The following EYS variants were observed in gnomAD, a reference collection of about 807,000 sequenced individuals.
The protein encoded by EYS is EGF-like photoreceptor maintenance factor, also known as protein eyes shut homolog.
A neutral mutation model predicts 282.1 loss-of-function variants in EYS; 250 were observed. The observed-to-expected ratio is 0.89, with a 90% CI of 0.80 to 0.98. The LOEUF (loss-of-function observed/expected upper bound fraction) is 0.98, where lower values mean the gene tolerates loss of function less well. Among genes scored for constraint, EYS ranks in the 50% least tolerant of loss-of-function variants. The pLI, the probability that EYS is intolerant of heterozygous loss-of-function variation, is 0.00. For synonymous variants in EYS, 1,355 were observed against 1,282.9 expected (o/e 1.06, Z -1.20); for missense variants, 4,016 against 3,709.0 (o/e 1.08, Z -2.15).
At chr6:65,245,320 A>G (rs531181108) in intron 12 of EYS, among the ~76,000 whole-genome samples, 131 of 152,318 alleles carry the variant, frequency 8.6e-4, no homozygotes, top group African/African-American at 3.1e-3. Context: ...GATTTTCTCT[A>G]CAGATTACCT....
At chr6:64,112,846 T>C (rs1351841827) in intron 31 of EYS, among the ~76,000 whole-genome samples, 1 of 151,004 alleles carries the variant, frequency 6.6e-6, no homozygotes, top group Non-Finnish European at 1.5e-5. Context: ...CTCCACTTTT[T>C]AGTAGTTTTT....
At chr6:64,178,977 C>A (rs1764711764) in intron 31 of EYS, among the ~76,000 whole-genome samples, 1 of 151,764 alleles carries the variant, frequency 6.6e-6, no homozygotes, top group Non-Finnish European at 1.5e-5. Flanking sequence ...CATAGTGTGG[C>A]AATAAACTTG....
chr6:64,465,128 A>G (rs1010984363), intron 26 of EYS, among the ~76,000 whole-genome samples: 1 of 152,082 alleles, frequency 6.6e-6, no homozygotes, highest in Non-Finnish European at 1.5e-5. Context: ...AAATAAAGAA[A>G]ACGATATCCT....
At position 65,179,383 on chromosome 6, in the gene EYS, C is replaced by A. The variant is rs192701058; in HGVS notation, c.2023+116480G>T. Among the ~76,000 whole-genome samples the A allele has an allele frequency of 1.7e-3, 260 of 152,098 alleles. 2 individuals are homozygous for A. The highest frequency in any genetic ancestry group is 5.9e-3 in the African/African-American group (245 of 41,524). On this transcript the variant is annotated intron_variant, in intron 12 of 42. Transcript: ENST00000503581. ...TAAAAAATGATAAAGGGGATACCAC[C>A]ACCAATCCCACAGAAATACAAACTA... is the stretch of plus-strand genomic sequence containing the variant.
chr6:64,429,416 A>G (rs1193797193), intron 28 of EYS, among the ~76,000 whole-genome samples: 2 of 152,184 alleles, frequency 1.3e-5, no homozygotes, highest in East Asian at 1.9e-4. Flanking sequence ...GGATCAGTTG[A>G]GGTCAGGAGT....
chr6:64,092,064 C>T (rs1014350308), intron 31 of EYS, among the ~76,000 whole-genome samples: 3 of 152,162 alleles, frequency 2.0e-5, no homozygotes, highest in Non-Finnish European at 4.4e-5. Context: ...ATCCATGTCC[C>T]TACAAAGCAC....
intron 4 of EYS, among the ~76,000 whole-genome samples, 171 bp from the exon 5 acceptor site, chr6:65,490,878 C>T (rs910019229): frequency 6.6e-6 from 1 of 151,954 alleles, no homozygotes; most frequent in Non-Finnish European, 1.5e-5. Flanking sequence ...AATTTTGATA[C>T]TTTACATAAG....
At chr6:65,215,506 A>C (rs1210897186) in intron 12 of EYS, among the ~76,000 whole-genome samples, 1 of 152,206 alleles carries the variant, frequency 6.6e-6, no homozygotes. Context: ...TTAAGATGGA[A>C]TGTACTTCTT....
At chr6:63,957,551 G>A (rs1228099117) in intron 35 of EYS, among the ~76,000 whole-genome samples, 4 of 141,166 alleles carry the variant, frequency 2.8e-5, no homozygotes, top group Non-Finnish European at 6.4e-5. Context: ...ATAACTGTTT[G>A]TTGACAGAAT....
intron 12 of EYS, among the ~76,000 whole-genome samples, chr6:65,179,709 G>C (rs1282110356): frequency 6.6e-6 from 1 of 152,046 alleles, no homozygotes; most frequent in East Asian, 1.9e-4. Flanking sequence ...CATTTTATGA[G>C]GCCAGTATCA....
At chr6:64,967,672 A>T (rs1770145385) in intron 14 of EYS, among the ~76,000 whole-genome samples, 2 of 152,166 alleles carry the variant, frequency 1.3e-5, no homozygotes, top group South Asian at 4.1e-4. Context: ...ATATGCTCCC[A>T]CTACACTGAG....
intron 30 of EYS, among the ~76,000 whole-genome samples, chr6:64,295,482 AAGAAGAAG>A (rs1768918188): frequency 2.3e-5 from 1 of 43,246 alleles, no homozygotes; most frequent in Admixed American, 2.7e-4. Flanking sequence ...GAAGAAGAAG[AAGAAGAAG>A]AAGAAGAAAG....
chr6:65,281,465 G>A (rs1267369844), intron 12 of EYS, among the ~76,000 whole-genome samples: 1 of 152,078 alleles, frequency 6.6e-6, no homozygotes, highest in Non-Finnish European at 1.5e-5. Context: ...TTTAAACATT[G>A]GAAATAGTGT....
intron 13 of EYS, among the ~76,000 whole-genome samples, chr6:65,026,131 C>T (rs1454718478): frequency 1.3e-5 from 2 of 152,092 alleles, no homozygotes; most frequent in East Asian, 1.9e-4. Flanking sequence ...CTTCTTCAGT[C>T]GCTTATTTTA....
intron 26 of EYS, among the ~76,000 whole-genome samples, chr6:64,482,737 C>A (rs1776471551): frequency 1.3e-5 from 2 of 151,672 alleles, no homozygotes; most frequent in South Asian, 2.1e-4. Flanking sequence ...AAGAAAAATT[C>A]TTTTTGCTTA....
intron 32 of EYS, among the ~76,000 whole-genome samples, chr6:64,079,717 C>T (rs1313547568): frequency 6.6e-6 from 1 of 152,080 alleles, no homozygotes; most frequent in Non-Finnish European, 1.5e-5. Context: ...TGCTATCGCT[C>T]CCCGCTCCCC....
At chr6:65,356,759 A>G (rs1417282142) in intron 8 of EYS, among the ~76,000 whole-genome samples, 4 of 152,048 alleles carry the variant, frequency 2.6e-5, no homozygotes, top group Non-Finnish European at 5.9e-5. Flanking sequence ...ATCCTCTAAC[A>G]TAACAACCTG....
intron 12 of EYS, among the ~76,000 whole-genome samples, chr6:65,193,580 G>A (rs1335324369): frequency 1.3e-5 from 2 of 151,636 alleles, no homozygotes; most frequent in African/African-American, 4.8e-5. Context: ...TAAGCTAGGT[G>A]AGAGCTTCCC....
intron 36 of EYS, among the ~76,000 whole-genome samples, chr6:63,828,731 TA>T (rs1028006003): frequency 3.3e-5 from 5 of 152,118 alleles, no homozygotes; most frequent in Non-Finnish European, 5.9e-5. Context: ...AGTGATCAGG[TA>T]AATGCAAATC....
Sources: gnomAD v4.1 joint callset for allele counts (sites outside exome capture counted in the v4.1 genomes callset) on GRCh38, gnomAD v4.1.1 for gene constraint, MANE v1.5 for transcripts, NCBI Gene and HGNC (gene_info 2026-07-23, HGNC 2026-07-21) for gene names.